The following CALN1 variants were observed in gnomAD, a reference collection of about 807,000 sequenced individuals.
CALN1 encodes the protein calneuron 1.
In CALN1, 17 loss-of-function variants were observed where a neutral mutation model predicts 30.6. The observed-to-expected ratio is 0.56, with a 90% CI of 0.38 to 0.83. CALN1 has a LOEUF of 0.83. Ranked by LOEUF, CALN1 falls within the 40% of genes least tolerant of loss-of-function variation. The probability of loss-of-function intolerance (pLI) is 0.00; values close to 1 mark genes in which losing one functional copy is unlikely to be tolerated. For synonymous variants in CALN1, 156 were observed against 131.4 expected (o/e 1.19, Z -1.28); for missense variants, 291 against 354.9 (o/e 0.82, Z 1.45).
chr7:72,010,365 G>A (rs1175628102), intron 5 of CALN1, among the ~76,000 whole-genome samples: 1 of 152,160 alleles, frequency 6.6e-6, no homozygotes, highest in Non-Finnish European at 1.5e-5. Context: ...CATTTCTCTT[G>A]TTTATAAGCT....
At chr7:72,135,228 G>A (rs1222353845) in intron 3 of CALN1, among the ~76,000 whole-genome samples, 1 of 152,096 alleles carries the variant, frequency 6.6e-6, no homozygotes, top group Non-Finnish European at 1.5e-5. Context: ...TTGATATTTT[G>A]GCCTCCTCCC....
intron 3 of CALN1, among the ~76,000 whole-genome samples, chr7:72,265,796 A>G (rs533513115): frequency 4.6e-5 from 7 of 151,960 alleles, no homozygotes; most frequent in Non-Finnish European, 1.0e-4. Context: ...CCTAGGACAC[A>G]TTTTTCTAAA....
chr7:71,880,383 T>C (rs552015237), intron 5 of CALN1, among the ~76,000 whole-genome samples: 4 of 152,124 alleles, frequency 2.6e-5, no homozygotes, highest in Non-Finnish European at 5.9e-5. Context: ...GCATGAACTT[T>C]CCCTTGCTCT....
At chr7:71,938,879 G>T (rs191656184) in intron 5 of CALN1, among the ~76,000 whole-genome samples, 239 of 152,224 alleles carry the variant, frequency 1.6e-3, no homozygotes, top group Non-Finnish European at 2.5e-3. Context: ...GCAGGAGGGG[G>T]CCATGAGGCT....
chr7:72,314,750 T>G (rs1437779645), intron 2 of CALN1, among the ~76,000 whole-genome samples: 1 of 151,564 alleles, frequency 6.6e-6, no homozygotes, highest in Non-Finnish European at 1.5e-5. Context: ...CAGAGGTAAG[T>G]ATTTGTGTAA....
intron 5 of CALN1, among the ~76,000 whole-genome samples, chr7:71,812,798 C>G (rs965958574): frequency 6.6e-6 from 1 of 151,610 alleles, no homozygotes; most frequent in Non-Finnish European, 1.5e-5. Context: ...GGCTGATATG[C>G]TGTGGTGTGA....
intron 3 of CALN1, among the ~76,000 whole-genome samples, chr7:72,199,683 A>G (rs1791283906): frequency 6.6e-6 from 1 of 152,162 alleles, no homozygotes; most frequent in South Asian, 2.1e-4. Context: ...CTATCTCTAC[A>G]AAATATTTAA....
Position 71,825,999 on chromosome 7 carries a change from C to T in CALN1, c.502-15507G>A, listed in dbSNP as rs1046021504. Among the ~76,000 whole-genome samples the T allele has an allele frequency of 7.3e-5, 10 of 136,284 alleles. No individual in the cohort carries two copies. In the South Asian group the frequency reaches 1.9e-3, roughly 26 times the overall value. 89.4% of individuals were successfully genotyped at this position (136,284 alleles called of 152,430 possible). ...AGTGAGCCAAGACTGTACCACTGCA[C>T]TCCAGCCTGGGGGACAGAGCGAGAC... On this transcript the variant is annotated intron_variant, in intron 5 of 6. Coordinates refer to ENST00000395275, the MANE Select transcript of CALN1 (RefSeq NM_031468.4).
chr7:72,501,769 C>T, the CALN1 span, among the ~76,000 whole-genome samples: 8 of 149,842 alleles, frequency 5.3e-5, no homozygotes, highest in East Asian at 5.9e-4. Flanking sequence ...ATTAGCTGGG[C>T]GTGGTGGTGG....
chr7:72,027,226 A>G (rs1801121817), intron 4 of CALN1, among the ~76,000 whole-genome samples: 1 of 152,118 alleles, frequency 6.6e-6, no homozygotes, highest in South Asian at 2.1e-4. Context: ...GTGCTTATTT[A>G]AAAAAAGAAG....
chr7:72,127,016 G>A (rs965513923), intron 3 of CALN1, among the ~76,000 whole-genome samples: 13 of 151,768 alleles, frequency 8.6e-5, no homozygotes, highest in Non-Finnish European at 1.3e-4. Context: ...ATCGTAACCC[G>A]TTCCTTGGGC....
intron 5 of CALN1, among the ~76,000 whole-genome samples, chr7:71,881,173 A>G (rs1411912896): frequency 6.6e-6 from 1 of 152,180 alleles, no homozygotes; most frequent in Non-Finnish European, 1.5e-5. Context: ...GACTTACACC[A>G]GTGGTTTGCC....
At chr7:72,135,701 T>C (rs771104541) in intron 3 of CALN1, among the ~76,000 whole-genome samples, 3 of 152,202 alleles carry the variant, frequency 2.0e-5, no homozygotes, top group African/African-American at 4.8e-5. Flanking sequence ...GGATGGTAAA[T>C]GAACACTGGC....
chr7:71,828,905 C>T (rs978379379), intron 5 of CALN1, among the ~76,000 whole-genome samples: 3 of 151,902 alleles, frequency 2.0e-5, no homozygotes, highest in Admixed American at 6.6e-5. Flanking sequence ...CACACCACCA[C>T]ACCCAGCTAA....
At chr7:71,966,950 A>G (rs779215787) in intron 5 of CALN1, among the ~76,000 whole-genome samples, 7 of 152,332 alleles carry the variant, frequency 4.6e-5, no homozygotes, top group East Asian at 1.9e-4. Flanking sequence ...CAACAGAAAG[A>G]TATGTCCTTG....
intron 3 of CALN1, among the ~76,000 whole-genome samples, chr7:72,161,140 G>A (rs1788080060): frequency 6.6e-6 from 1 of 152,146 alleles, no homozygotes; most frequent in African/African-American, 2.4e-5. Flanking sequence ...TTGACCATGA[G>A]GAGAAACGTA....
intron 3 of CALN1, among the ~76,000 whole-genome samples, chr7:72,229,620 A>G (rs1305512338): frequency 2.6e-5 from 4 of 152,046 alleles, no homozygotes. Flanking sequence ...GAATGAGTTC[A>G]TGTCCTTTGC....
intron 5 of CALN1, among the ~76,000 whole-genome samples, chr7:71,952,901 G>GCCTT (rs1223277159): frequency 6.6e-6 from 1 of 152,138 alleles, no homozygotes; most frequent in African/African-American, 2.4e-5. Flanking sequence ...AGGAGAAAGT[G>GCCTT]CCTTCCTCTT....
intron 3 of CALN1, among the ~76,000 whole-genome samples, chr7:72,243,461 A>C (rs528943605): frequency 2.0e-5 from 3 of 152,262 alleles, no homozygotes; most frequent in Non-Finnish European, 4.4e-5. Flanking sequence ...TTGTTTTTTA[A>C]ATCAGTGAGC....
Sources: allele counts gnomAD v4.1 joint callset (sites outside exome capture counted in the v4.1 genomes callset), GRCh38; gene constraint gnomAD v4.1.1; transcripts MANE v1.5; gene names NCBI Gene and HGNC (gene_info 2026-07-23, HGNC 2026-07-21).